Variants in SLC35F3 observed in about 807,000 individuals in gnomAD.
The protein encoded by SLC35F3 is solute carrier family 35 member F3.
In SLC35F3, 25 loss-of-function variants were observed where a neutral mutation model predicts 49.9. The ratio of observed to expected loss-of-function variants is 0.50; its 90% CI spans 0.37 to 0.70. SLC35F3 has a LOEUF of 0.70. SLC35F3 is among the 30% of genes least tolerant of loss of function. SLC35F3 has a pLI of 0.00. For synonymous variants in SLC35F3, 275 were observed against 265.4 expected (o/e 1.04, Z -0.35); for missense variants, 525 against 639.8 (o/e 0.82, Z 1.94).
chr1:234,201,360 C>A (rs942742314), intron 2 of SLC35F3, among the ~76,000 whole-genome samples: 1 of 152,200 alleles, frequency 6.6e-6, no homozygotes, highest in Non-Finnish European at 1.5e-5. Context: ...TATTTGATAG[C>A]TTCAACTAGC....
intron 2 of SLC35F3, among the ~76,000 whole-genome samples, chr1:233,939,771 T>G (rs1199355433): frequency 1.3e-5 from 2 of 152,198 alleles, no homozygotes; most frequent in Admixed American, 6.5e-5. Context: ...GAAGCCTGTT[T>G]AGGAGAATGG....
chr1:234,289,113 G>C (rs987382382), intron 3 of SLC35F3, among the ~76,000 whole-genome samples: 3 of 152,178 alleles, frequency 2.0e-5, no homozygotes, highest in Non-Finnish European at 4.4e-5. Context: ...TGAATTAATT[G>C]ATGTCCAATG....
At chr1:234,258,593 A>G (rs1224237655) in intron 3 of SLC35F3, among the ~76,000 whole-genome samples, 7 of 152,240 alleles carry the variant, frequency 4.6e-5, no homozygotes, top group Non-Finnish European at 1.0e-4. Context: ...AGGAGCGAAT[A>G]GTTTTGGAAA....
At chr1:233,965,913 A>G (rs1456439840) in intron 2 of SLC35F3, among the ~76,000 whole-genome samples, 1 of 152,226 alleles carries the variant, frequency 6.6e-6, no homozygotes, top group Non-Finnish European at 1.5e-5. Flanking sequence ...GATTGATAAA[A>G]GCAGTGGCTT....
At chr1:234,259,663 G>A (rs1667872748) in intron 3 of SLC35F3, among the ~76,000 whole-genome samples, 1 of 151,688 alleles carries the variant, frequency 6.6e-6, no homozygotes, top group Non-Finnish European at 1.5e-5. Context: ...GACAAAGCGA[G>A]ACTCCATCTC....
At chr1:234,161,548 C>G (rs1666226979) in intron 2 of SLC35F3, among the ~76,000 whole-genome samples, 2 of 151,956 alleles carry the variant, frequency 1.3e-5, no homozygotes, top group African/African-American at 4.8e-5. Flanking sequence ...ATCACTTGAG[C>G]CCAGGAGTTT....
At chr1:234,114,558 A>T (rs10797528) in intron 2 of SLC35F3, among the ~76,000 whole-genome samples, 1 of 151,988 alleles carries the variant, frequency 6.6e-6, no homozygotes. Flanking sequence ...TGTTTTTGCT[A>T]TTCTCCACTT....
intron 2 of SLC35F3, among the ~76,000 whole-genome samples, chr1:233,949,611 A>T (rs1296655213): frequency 6.6e-6 from 1 of 152,212 alleles, no homozygotes; most frequent in Non-Finnish European, 1.5e-5. Flanking sequence ...TGCTGTTTAC[A>T]GAGCACTTGA....
intron 2 of SLC35F3, among the ~76,000 whole-genome samples, chr1:234,159,114 A>G (rs543433120): frequency 6.6e-6 from 1 of 152,256 alleles, no homozygotes; most frequent in African/African-American, 2.4e-5. Context: ...TCAGTGCAAG[A>G]CTCTTCACAC....
chr1:234,088,537 G>A (rs950284750), intron 2 of SLC35F3, among the ~76,000 whole-genome samples: 5 of 152,042 alleles, frequency 3.3e-5, no homozygotes, highest in African/African-American at 1.2e-4. Context: ...ATGAATGACT[G>A]GATTTATTTT....
At chr1:234,174,547 A>G (rs1248849280) in intron 2 of SLC35F3, among the ~76,000 whole-genome samples, 1 of 152,220 alleles carries the variant, frequency 6.6e-6, no homozygotes, top group Non-Finnish European at 1.5e-5. Context: ...GCACACAAGG[A>G]ATCTGAGATT....
chr1:234,282,775 C>T (rs1363778161), intron 3 of SLC35F3, among the ~76,000 whole-genome samples: 2 of 152,226 alleles, frequency 1.3e-5, no homozygotes, highest in East Asian at 1.9e-4. Context: ...CTGGCATTGG[C>T]ATGGGTTGTT....
chr1:234,309,455 A>T, intron 4 of SLC35F3, 135 bp downstream of exon 4: 1 of 757,762 alleles, frequency 1.3e-6, no homozygotes, highest in Non-Finnish European at 2.1e-6. Flanking sequence ...TGCAGCAGAA[A>T]ATGAGCCCAG....
intron 2 of SLC35F3, among the ~76,000 whole-genome samples, chr1:234,142,996 C>A (rs1011218022): frequency 6.6e-6 from 1 of 152,136 alleles, no homozygotes; most frequent in Non-Finnish European, 1.5e-5. Flanking sequence ...ATGATTATTA[C>A]AGTCAAGCAA....
intron 2 of SLC35F3, among the ~76,000 whole-genome samples, chr1:234,043,211 T>C (rs1664247108): frequency 1.3e-5 from 2 of 152,212 alleles, no homozygotes; most frequent in South Asian, 4.1e-4. Flanking sequence ...TGTTCATCTT[T>C]CCTAGGTATG....
chr1:234,170,514 T>C (rs1027304180), intron 2 of SLC35F3, among the ~76,000 whole-genome samples: 8 of 151,924 alleles, frequency 5.3e-5, no homozygotes, highest in Non-Finnish European at 1.2e-4. Flanking sequence ...GACCCCAGGG[T>C]GTAGAGTACC....
chr1:234,059,834 C>T lies in SLC35F3; in HGVS notation c.283+154076C>T, dbSNP rs574321849. Among the ~76,000 whole-genome samples the T allele has an allele frequency of 2.5e-3, 378 of 152,268 alleles. 1 individual carries two copies. The highest frequency in any genetic ancestry group is 8.5e-3 in the African/African-American group (353 of 41,558). On this transcript the variant is annotated intron_variant, in intron 2 of 7. Coordinates refer to ENST00000366618, the MANE Select transcript of SLC35F3 (RefSeq NM_173508.4). ...GTTTGAGGGCAGGGAGCATCCAGCA[C>T]GGGAGAAAGATGTAGGCTGGGAGGC...
At position 234,099,084 on chromosome 1, in the gene SLC35F3, T is replaced by C. The variant is rs568825042; in HGVS notation, c.284-132333T>C. ...CAATAAATTGTTGTTTTCACCATAG[T>C]CCTTTCCTATATTCCACATGTTCTG... On this transcript the variant is annotated intron_variant, in intron 2 of 7. Transcript: ENST00000366618. 2.6e-5 allele frequency among the ~76,000 whole-genome samples: 4 copies of C among 152,224 alleles called. No homozygotes were observed. The South Asian group carries it at 8.3e-4, about 32-fold the overall frequency.
intron 2 of SLC35F3, among the ~76,000 whole-genome samples, chr1:234,028,094 C>T (rs2358194): frequency 0.37 from 56,901 of 152,014 alleles, 11,261 homozygotes; most frequent in Non-Finnish European, 0.45. Context: ...GGCCAACCTG[C>T]AGACTGAAGT....
Sources: gnomAD v4.1 joint callset for allele counts (sites outside exome capture counted in the v4.1 genomes callset) on GRCh38, gnomAD v4.1.1 for gene constraint, MANE v1.5 for transcripts, NCBI Gene and HGNC (gene_info 2026-07-23, HGNC 2026-07-21) for gene names.